Variants in ACACA observed in about 807,000 individuals in gnomAD.
ACACA encodes acetyl-CoA carboxylase 1.
A neutral mutation model predicts 296.1 loss-of-function variants in ACACA; 103 were observed. That is an observed-to-expected ratio of 0.35 (90% CI 0.30 to 0.41). The LOEUF is 0.41. Ranked by LOEUF, ACACA falls within the 10% of genes least tolerant of loss-of-function variation. The probability of loss-of-function intolerance (pLI) is 1.00; values close to 1 mark genes in which losing one functional copy is unlikely to be tolerated. For synonymous variants in ACACA, 953 were observed against 1,038.6 expected (o/e 0.92, Z 1.58); for missense variants, 1,554 against 2,989.7 (o/e 0.52, Z 11.20).
intron 15 of ACACA, among the ~76,000 whole-genome samples, chr17:37,252,659 G>A (rs183582452): frequency 1.4e-4 from 21 of 152,298 alleles, no homozygotes; most frequent in Middle Eastern, 3.4e-3. Flanking sequence ...ATCCCTGCAT[G>A]CCTCACTTCA....
intron 10 of ACACA, among the ~76,000 whole-genome samples, chr17:37,269,511 G>T (rs1394855373): frequency 6.6e-6 from 1 of 152,146 alleles, no homozygotes; most frequent in East Asian, 1.9e-4. Context: ...ATAAAGTGTT[G>T]ACTATCTCAT....
intron 29 of ACACA, among the ~76,000 whole-genome samples, chr17:37,213,481 T>C (rs1374050982): frequency 6.6e-6 from 1 of 152,158 alleles, no homozygotes. Flanking sequence ...CTTATTATAA[T>C]GAATCTTCAT....
intron 1 of ACACA, among the ~76,000 whole-genome samples, chr17:37,396,077 C>T (rs958158955): frequency 2.8e-4 from 42 of 152,116 alleles, no homozygotes; most frequent in Admixed American, 7.9e-4. Flanking sequence ...TGGTAGCTCA[C>T]GCCTGTAATC....
chr17:37,186,380 A>G (rs966973104), intron 39 of ACACA, among the ~76,000 whole-genome samples: 1 of 152,214 alleles, frequency 6.6e-6, no homozygotes, highest in Non-Finnish European at 1.5e-5. Flanking sequence ...TCTTGAGTAC[A>G]GTTTGCTTTT....
chr17:37,143,096 T>C (rs2075662891), intron 45 of ACACA, among the ~76,000 whole-genome samples: 2 of 152,146 alleles, frequency 1.3e-5, no homozygotes, highest in Non-Finnish European at 2.9e-5. Context: ...TTAATAAAAC[T>C]GTAGCCCAGA....
intron 9 of ACACA, among the ~76,000 whole-genome samples, chr17:37,271,611 A>C (rs1409022488): frequency 1.3e-5 from 2 of 152,122 alleles, no homozygotes; most frequent in African/African-American, 4.8e-5. Flanking sequence ...TTTCTTGCTT[A>C]TAGTATGCAG....
rs1484000480 is a variant in ACACA, at chr17:37,193,387, C to T, written c.4187G>A (p.Arg1396Gln). ...ATCAATCCTTACCTTATCCCTTGCT[C>T]GGAATGTAAAAAATTTAGGGAATTC... The part of the protein sequence containing the change: ...HREFPKFFTF[R>Q]ARDKFEEDRI... The change falls in exon 36 of 56, where the codon CGA (arginine) becomes CAA (glutamine). Residue 1396 changes from arginine to glutamine, a missense_variant. This residue lies in a region of ACACA where 179 missense variants were observed against 283.2 expected (regional missense o/e 0.63). Coordinates refer to ENST00000616317, the MANE Select transcript of ACACA (RefSeq NM_198834.3). 1 of 1,601,954 alleles carries T rather than the reference C, an allele frequency of 6.2e-7. No individual in the cohort carries two copies. Among genetic ancestry groups the T allele is most frequent in the Non-Finnish European group, 8.5e-7 (1 of 1,170,046 alleles).
At chr17:37,149,791 G>C (rs919916126) in intron 45 of ACACA, 73 bp downstream of exon 45, 1 of 1,332,776 alleles carries the variant, frequency 7.5e-7, no homozygotes, top group Admixed American at 1.7e-5. Flanking sequence ...TTCCAATCAG[G>C]ATCTTGAATT....
chr17:37,323,652 A>G (rs1208070200), intron 3 of ACACA, among the ~76,000 whole-genome samples: 1 of 152,212 alleles, frequency 6.6e-6, no homozygotes, highest in East Asian at 1.9e-4. Context: ...AAATCACACT[A>G]TGCTAGAGAG....
intron 16 of ACACA, among the ~76,000 whole-genome samples, chr17:37,249,458 T>C (rs1487812465): frequency 1.3e-5 from 2 of 152,194 alleles, no homozygotes; most frequent in Non-Finnish European, 2.9e-5. Flanking sequence ...GCTGCATCAT[T>C]TTACATTCCC....
At chr17:37,320,111 A>ACCCT (rs2047279910) in intron 3 of ACACA, among the ~76,000 whole-genome samples, 1 of 151,710 alleles carries the variant, frequency 6.6e-6, no homozygotes, top group Non-Finnish European at 1.5e-5. Flanking sequence ...GACAACAGAG[A>ACCCT]GAAACCCTGT....
chr17:37,131,766 G>A (rs769568390), intron 45 of ACACA, among the ~76,000 whole-genome samples: 7 of 152,202 alleles, frequency 4.6e-5, no homozygotes, highest in African/African-American at 7.2e-5. Context: ...ACTTCAGCTA[G>A]GAAGGGCATA....
In ACACA at chr17:37,172,869, T is replaced by C. The variant is rs552137321; in HGVS notation, c.5079+6391A>G. 1.3e-4 allele frequency among the ~76,000 whole-genome samples: 20 copies of C among 152,334 alleles called. No homozygotes were observed. The South Asian group carries it at 3.7e-3, about 28-fold the overall frequency. ...TTTTATAAGTTGAACAATCAATGCA[T>C]AGACCATGGTCCTGTTTTACAGACC... On this transcript the variant is annotated intron_variant, in intron 41 of 55. Coordinates refer to ENST00000616317, the MANE Select transcript of ACACA (RefSeq NM_198834.3).
At chr17:37,206,750 G>T in intron 32 of ACACA, 33 bp downstream of exon 32, 1 of 1,514,726 alleles carries the variant, frequency 6.6e-7, no homozygotes, top group South Asian at 1.1e-5. Flanking sequence ...TGTCTGAGGG[G>T]AACAAAGCAG....
chr17:37,321,122 A>G (rs773913026), intron 3 of ACACA, among the ~76,000 whole-genome samples: 11 of 152,166 alleles, frequency 7.2e-5, no homozygotes, highest in Non-Finnish European at 1.2e-4. Context: ...TTAGCCACTG[A>G]GAAAACTTGA....
At position 37,320,583 on chromosome 17, in the gene ACACA, T is replaced by C. The variant is rs116657339; in HGVS notation, c.338+9590A>G. ...AGTAGTTTATAGTACGAGCTCTGAC[T>C]AGATTCAATACCCAAGCTGGCCACC... On this transcript the variant is annotated intron_variant, in intron 3 of 55. Transcript: ENST00000616317. 8.3e-3 allele frequency among the ~76,000 whole-genome samples: 1,264 copies of C among 151,966 alleles called. 13 individuals are homozygous for C. The highest frequency in any genetic ancestry group is 0.029 in the African/African-American group (1,209 of 41,434).
At chr17:37,162,706 C>A in intron 41 of ACACA, 3 of 245,404 alleles carry the variant, frequency 1.2e-5, no homozygotes, top group South Asian at 4.9e-5. Context: ...CTATGGTATG[C>A]GAATCTTGCA....
chr17:37,304,409 G>A (rs2083770229), intron 3 of ACACA, among the ~76,000 whole-genome samples: 1 of 152,060 alleles, frequency 6.6e-6, no homozygotes, highest in Non-Finnish European at 1.5e-5. Context: ...CACCCCGCTT[G>A]CCTCCCAAAA....
intron 48 of ACACA, among the ~76,000 whole-genome samples, chr17:37,125,300 G>A (rs373086148): frequency 2.0e-4 from 31 of 151,806 alleles, no homozygotes; most frequent in African/African-American, 7.5e-4. Context: ...GTGCCACGAA[G>A]AACCTCTTTC....
Sources: allele counts gnomAD v4.1 joint callset (sites outside exome capture counted in the v4.1 genomes callset), GRCh38; gene constraint gnomAD v4.1.1; regional missense constraint gnomAD v4.1.1; transcripts MANE v1.5; gene names NCBI Gene and HGNC (gene_info 2026-07-23, HGNC 2026-07-21).